DHTKD1: variants seen among roughly 807,000 people sequenced by gnomAD.
The protein encoded by DHTKD1 is dehydrogenase E1 and transketolase domain containing 1.
In DHTKD1, 78 loss-of-function variants were observed where a neutral mutation model predicts 101.8. The observed-to-expected ratio is 0.77, with a 90% CI of 0.64 to 0.93. DHTKD1 has a LOEUF of 0.93. Among genes scored for constraint, DHTKD1 ranks in the 40% least tolerant of loss-of-function variants. DHTKD1 has a pLI of 0.00. For synonymous variants in DHTKD1, 462 were observed against 450.3 expected, an observed-to-expected ratio of 1.03 and a Z score of -0.33; for missense variants, 1,223 against 1,161.7, an observed-to-expected ratio of 1.05 and a Z score of -0.77.
At chr10:12,074,138 A>G (rs1832688967) in intron 1 of DHTKD1, among the ~76,000 whole-genome samples, 1 of 152,060 alleles carries the variant, frequency 6.6e-6, no homozygotes, top group Non-Finnish European at 1.5e-5. Flanking sequence ...TCTTACAGTA[A>G]TTCTTTCATT....
At position 12,082,354 on chromosome 10, in the gene DHTKD1, C is replaced by T. The variant is rs1010315167; in HGVS notation, c.310+727C>T. Among the ~76,000 whole-genome samples the T allele has an allele frequency of 2.0e-5, 3 of 152,202 alleles. No homozygotes were observed. The South Asian group carries it at 6.2e-4, about 32-fold the overall frequency. ...ACCCGCCTCATTCTGTTTTCTTTCC[C>T]AGCCTGGGAACTTAGAAAAAGTTGG... On this transcript the variant is annotated intron_variant, in intron 2 of 16. Transcript: ENST00000263035.
At chr10:12,079,266 G>A (rs1647005558) in intron 1 of DHTKD1, among the ~76,000 whole-genome samples, 1 of 152,016 alleles carries the variant, frequency 6.6e-6, no homozygotes. Flanking sequence ...ATTTAGAGTT[G>A]GGCAAAGAGA....
intron 12 of DHTKD1, among the ~76,000 whole-genome samples, chr10:12,111,045 C>CAAAA (rs35420105): frequency 9.9e-6 from 1 of 100,732 alleles, no homozygotes. Context: ...GACCCTGTCT[C>CAAAA]AAAAAAAAAA....
intron 1 of DHTKD1, among the ~76,000 whole-genome samples, chr10:12,080,705 T>C (rs1832802781): frequency 8.6e-6 from 1 of 115,692 alleles, no homozygotes; most frequent in Admixed American, 9.6e-5. Flanking sequence ...AGCAAGACAA[T>C]GTCTGAAAAA....
chr10:12,094,508 A>T (rs748064901), intron 7 of DHTKD1, among the ~76,000 whole-genome samples: 10 of 148,488 alleles, frequency 6.7e-5, no homozygotes, highest in Non-Finnish European at 1.5e-5. Flanking sequence ...GCTAGTTTTC[A>T]TACTTTTTAG....
rs971176745 is a variant in DHTKD1 at position 12,095,539 on chromosome 10, C to A, written c.1358+1268C>A. ...CTAAAAATAGAAAAATTTGGCCAGG[C>A]GCGGTGGCTCACGCCTGTAATCCCA... On this transcript the variant is annotated intron_variant, in intron 7 of 16. Coordinates refer to ENST00000263035, the MANE Select transcript of DHTKD1 (RefSeq NM_018706.7). Among the ~76,000 whole-genome samples, 18 of 152,060 alleles carry A rather than the reference C, an allele frequency of 1.2e-4. No individual in the cohort carries two copies. In the Middle Eastern group the frequency reaches 0.02, roughly 172 times the overall value.
At chr10:12,111,967 T>G (rs1701471) in intron 12 of DHTKD1, among the ~76,000 whole-genome samples, 237 of 152,064 alleles carry the variant, frequency 1.6e-3, no homozygotes, top group African/African-American at 5.4e-3. Flanking sequence ...TTAACTAGGT[T>G]TATGGGTTGG....
In DHTKD1 at chr10:12,091,702, G is replaced by A. The variant is rs752557130; in HGVS notation, c.1159+18G>A. 3.1e-6 allele frequency: 5 copies of A among 1,609,568 alleles called. No individual in the cohort carries two copies. In the South Asian group the frequency reaches 5.5e-5, roughly 18 times the overall value. ...TGATATTGGTACGTAACACAGGGAGGAACTGATATTGCTGAAGCCGACATG... is the reference window on the plus strand; with the variant it reads ...TGATATTGGTACGTAACACAGGGAGAAACTGATATTGCTGAAGCCGACATG... On this transcript the variant is annotated intron_variant, in intron 6 of 16. Coordinates refer to ENST00000263035, the MANE Select transcript of DHTKD1 (RefSeq NM_018706.7).
Position 12,084,751 on chromosome 10 carries a change from G to C in DHTKD1, c.522G>C (p.Gln174His), listed in dbSNP as rs754813064. Residue 174 changes from glutamine (Q) to histidine (H), a missense_variant and splice_region_variant, in exon 3 of 17, where the codon CAG (glutamine) becomes CAC (histidine). Physicochemically the swap from Gln to His is conservative, Grantham distance 24. Transcript: ENST00000263035. ...TGTCGAAACTAATGCTGGAATCTCA[G>C]GTAAAAAGGAGCATCTAGGCCGGGC... ...KHLSKLMLES[Q>H]EFDHFLATKF... is the part of the protein sequence containing the mutation. 8.7e-6 allele frequency: 14 copies of C among 1,613,666 alleles called. No individual in the cohort carries two copies. The highest frequency in any genetic ancestry group is 1.1e-5 in the Non-Finnish European group (13 of 1,179,858).
At chr10:12,089,723 T>C (rs1246214179) in intron 5 of DHTKD1, among the ~76,000 whole-genome samples, 2 of 152,022 alleles carry the variant, frequency 1.3e-5, no homozygotes, top group African/African-American at 4.8e-5. Flanking sequence ...CAGGCTGGAG[T>C]GCAGTGGCGA....
In DHTKD1 at chr10:12,110,299, G is replaced by A. The variant is rs1833310187; in HGVS notation, c.2154+2284G>A. Among the ~76,000 whole-genome samples the A allele has an allele frequency of 6.6e-6, 1 of 151,816 alleles. No individual in the cohort carries two copies. The highest frequency in any genetic ancestry group is 2.4e-5 in the African/African-American group (1 of 41,346). The stretch of plus-strand genomic sequence containing the variant: ...GTGACAGAGCGAGACTCTGTCTCCA[G>A]AAAAAAGAATGTGGTCCAATACAAA... On this transcript the variant is annotated intron_variant, in intron 12 of 16. Coordinates refer to ENST00000263035, the MANE Select transcript of DHTKD1 (RefSeq NM_018706.7). This position sits in a 1 kb window ranked among gnomAD's most constrained non-coding sequence, Gnocchi z 4.9.
In DHTKD1 at chr10:12,110,092, A is replaced by G. The variant is rs1182916213; in HGVS notation, c.2154+2077A>G. ...GGCGGGCGGATCATGAGGTCAGGAG[A>G]TGAAGACCATCCTGGCTAACACGGT... On this transcript the variant is annotated intron_variant, in intron 12 of 16. Transcript: ENST00000263035. This position sits in a 1 kb window ranked among gnomAD's most constrained non-coding sequence, Gnocchi z 4.9. Among the ~76,000 whole-genome samples, 1 of 151,980 alleles carries G rather than the reference A, an allele frequency of 6.6e-6. No individual in the cohort carries two copies. Among genetic ancestry groups the G allele is most frequent in the African/African-American group, 2.4e-5 (1 of 41,360 alleles).
chr10:12,088,931 C>A, intron 4 of DHTKD1, 55 bp from the exon 5 acceptor site: 2 of 1,512,518 alleles, frequency 1.3e-6, no homozygotes, highest in Non-Finnish European at 9.1e-7. Flanking sequence ...CACTTCTTCC[C>A]TAGACTCCAT....
In DHTKD1 at chr10:12,081,605, G is replaced by A. The variant is rs1832820351; in HGVS notation, c.288G>A (p.Leu96=). ...AAATCCAAGCCCTGGTGCAGACACTGCAGGGACCCTTCCACACGGCAGGTA... is the reference window on the plus strand; with the variant it reads ...AAATCCAAGCCCTGGTGCAGACACTACAGGGACCCTTCCACACGGCAGGTA... ...VPEIQALVQT[L]QGPFHTAGLL... The change falls in exon 2 of 17, where the codon CTG becomes CTA. Residue 96 remains leucine, a synonymous_variant. Coordinates refer to ENST00000263035, the MANE Select transcript of DHTKD1 (RefSeq NM_018706.7). 1 of 1,614,144 alleles carries A rather than the reference G, an allele frequency of 6.2e-7. No homozygotes were observed. Among genetic ancestry groups the A allele is most frequent in the Non-Finnish European group, 8.5e-7 (1 of 1,180,038 alleles).
At chr10:12,078,172 C>CA (rs1222493296) in intron 1 of DHTKD1, among the ~76,000 whole-genome samples, 1 of 151,996 alleles carries the variant, frequency 6.6e-6, no homozygotes, top group African/African-American at 2.4e-5. Flanking sequence ...TGCCTGTAAT[C>CA]TCAGCACTTT....
chr10:12,107,676 C>T lies in DHTKD1; in HGVS notation c.2048-233C>T, dbSNP rs1241105344. Reference sequence around the variant, plus strand: ...CAAGTGATCTATCCGCCTCAGCCTCCCAAAGTGCTGGGATTACAGGTGTGA... The same window carrying T: ...CAAGTGATCTATCCGCCTCAGCCTCTCAAAGTGCTGGGATTACAGGTGTGA... On this transcript the variant is annotated intron_variant, in intron 11 of 16. Coordinates refer to ENST00000263035, the MANE Select transcript of DHTKD1 (RefSeq NM_018706.7). This position sits in a 1 kb window ranked among gnomAD's most constrained non-coding sequence, Gnocchi z 4.1. 6.6e-6 allele frequency among the ~76,000 whole-genome samples: 1 copy of T among 152,140 alleles called. No individual in the cohort carries two copies. The highest frequency in any genetic ancestry group is 1.5e-5 in the Non-Finnish European group (1 of 68,036).
chr10:12,094,072 G>C lies in DHTKD1; in HGVS notation c.1160-1G>C, dbSNP rs760767010. 101 of 1,613,122 alleles carry C rather than the reference G, an allele frequency of 6.3e-5. No individual in the cohort carries two copies. The highest frequency in any genetic ancestry group is 7.8e-5 in the Non-Finnish European group (92 of 1,179,390). On this transcript the variant is annotated splice_acceptor_variant, in intron 6 of 16. Coordinates refer to ENST00000263035, the MANE Select transcript of DHTKD1 (RefSeq NM_018706.7). LOFTEE classifies it high-confidence loss of function. ...TTTCGGCTTGGTCTTCTGTCCTTCA[G>C]GGAAGCTTGTGGGCTGTGCCATCAT...
At chr10:12,077,624 C>G (rs1471239957) in intron 1 of DHTKD1, among the ~76,000 whole-genome samples, 1 of 152,126 alleles carries the variant, frequency 6.6e-6, no homozygotes, top group Non-Finnish European at 1.5e-5. Context: ...TGAGTTAATG[C>G]CATTGCTTGT....
intron 13 of DHTKD1, among the ~76,000 whole-genome samples, chr10:12,113,940 T>TAA (rs1175816192): frequency 4.6e-5 from 7 of 152,086 alleles, no homozygotes; most frequent in African/African-American, 1.7e-4. Context: ...GAAAAAGTTT[T>TAA]AAAGCCCATA....
Sources: gnomAD v4.1 joint callset for allele counts (sites outside exome capture counted in the v4.1 genomes callset) on GRCh38, gnomAD v4.1.1 for gene constraint, Gnocchi (gnomAD v3.1) non-coding constraint, MANE v1.5 for transcripts, NCBI Gene and HGNC (gene_info 2026-07-23, HGNC 2026-07-21) for gene names.